Variants in BMPR2 observed in about 807,000 individuals in gnomAD.
BMPR2 encodes the protein bone morphogenetic protein receptor type-2.
Under a neutral mutation model 100.8 loss-of-function variants are expected in BMPR2, and 29 were observed. The observed-to-expected ratio is 0.29, with a 90% CI of 0.21 to 0.39. The LOEUF is 0.39. Among genes scored for constraint, BMPR2 ranks in the 10% least tolerant of loss-of-function variants. The probability of loss-of-function intolerance (pLI) is 1.00; values close to 1 mark genes in which losing one functional copy is unlikely to be tolerated. For synonymous variants in BMPR2, 382 were observed against 442.3 expected, an observed-to-expected ratio of 0.86 and a Z score of 1.71; for missense variants, 1,011 against 1,274.5, an observed-to-expected ratio of 0.79 and a Z score of 3.15.
In BMPR2 at chr2:202,376,549, GCAGCA is replaced by G. The variant is rs1330959055; in HGVS notation, c.-925_-921del. On this transcript the variant is annotated 5_prime_UTR_variant, in exon 1 of 13. Transcript: ENST00000374580. Reference sequence around the variant, plus strand: ...GGCGGCGGCGGCGGCGGCGGCGGCAGCAGCAGCGGCTTCCTCGGGGGGTTGTGATT... The same window carrying G: ...GGCGGCGGCGGCGGCGGCGGCGGCAGGCGGCTTCCTCGGGGGGTTGTGATT... 4.3e-5 allele frequency among the ~76,000 whole-genome samples: 6 copies of G among 141,114 alleles called. No homozygotes were observed. Among genetic ancestry groups the G allele is most frequent in the Middle Eastern group, 3.2e-3 (1 of 310 alleles). 92.6% of individuals were successfully genotyped at this position (141,114 alleles called of 152,430 possible). A position where few individuals can be genotyped will look rare whatever the true frequency, so the allele number is the denominator to read the frequency against.
At chr2:202,392,364 C>A (rs1690567454) in intron 1 of BMPR2, among the ~76,000 whole-genome samples, 1 of 152,112 alleles carries the variant, frequency 6.6e-6, no homozygotes, top group African/African-American at 2.4e-5. Context: ...AGCCACTGTG[C>A]CTGACCCAGT....
At chr2:202,394,787 T>C (rs1275260524) in intron 1 of BMPR2, among the ~76,000 whole-genome samples, 1 of 152,180 alleles carries the variant, frequency 6.6e-6, no homozygotes, top group Admixed American at 6.5e-5. Context: ...ATAAAGATAT[T>C]GAGGCACAGA....
In BMPR2 at chr2:202,532,728, C is replaced by G; in HGVS notation, c.1272C>G (p.Phe424Leu). The change falls in exon 9 of 13, where the codon TTC (phenylalanine) becomes TTG (leucine). Residue 424 changes from phenylalanine to leucine, a missense_variant. Phe to Leu is a conservative substitution (Grantham distance 22). Transcript: ENST00000374580. The surrounding 1 kb of genome is among the most constrained non-coding windows in gnomAD (Gnocchi z 4.1). ...WEIFMRCTDL[F>L]PGESVPEYQM... ...TATTTATGAGATGTACAGACCTCTT[C>G]CCAGGTAAAAACTACTGTCAAAAGT... is the stretch of plus-strand genomic sequence containing the variant. 6.2e-7 allele frequency: 1 copy of G among 1,612,174 alleles called. No homozygotes were observed. The highest frequency in any genetic ancestry group is 8.5e-7 in the Non-Finnish European group (1 of 1,179,860).
At chr2:202,527,644 G>A (rs972069005) in intron 7 of BMPR2, among the ~76,000 whole-genome samples, 3 of 151,042 alleles carry the variant, frequency 2.0e-5, no homozygotes, top group South Asian at 2.1e-4. Context: ...AAAATTAGCC[G>A]GGCGCGGTGG....
intron 8 of BMPR2, among the ~76,000 whole-genome samples, chr2:202,531,217 C>T (rs546519446): frequency 3.7e-4 from 57 of 152,284 alleles, no homozygotes; most frequent in African/African-American, 1.2e-3. Flanking sequence ...GCAAGAGAAT[C>T]GCTTGAACCC....
chr2:202,461,879 C>A (rs1046756718), intron 1 of BMPR2, among the ~76,000 whole-genome samples: 1 of 151,826 alleles, frequency 6.6e-6, no homozygotes, highest in African/African-American at 2.4e-5. Flanking sequence ...GGTAAGAAAT[C>A]GTAATATACT....
At chr2:202,493,300 C>CT (rs933066995) in intron 3 of BMPR2, among the ~76,000 whole-genome samples, 2 of 151,202 alleles carry the variant, frequency 1.3e-5, no homozygotes, top group African/African-American at 4.9e-5. Context: ...TCATTAAATA[C>CT]TTTTTTTTTA....
intron 10 of BMPR2, 129 bp from the exon 11 acceptor site, chr2:202,552,587 T>TG: frequency 1.1e-6 from 1 of 913,754 alleles, no homozygotes; most frequent in Non-Finnish European, 1.7e-6. Context: ...GCCTAAAATA[T>TG]GTTATTAGAG....
chr2:202,410,262 GGT>G (rs1388581642), intron 1 of BMPR2, among the ~76,000 whole-genome samples: 1 of 152,132 alleles, frequency 6.6e-6, no homozygotes, highest in African/African-American at 2.4e-5. Flanking sequence ...TGGGATTACA[GGT>G]GTGAGTCACC....
chr2:202,531,235 G>A (rs1189978543), intron 8 of BMPR2, among the ~76,000 whole-genome samples: 1 of 152,188 alleles, frequency 6.6e-6, no homozygotes, highest in East Asian at 1.9e-4. Context: ...CCCAGGAGGA[G>A]GAAGTTGCAG....
At position 202,555,907 on chromosome 2, in the gene BMPR2, C is replaced by G. The variant is rs551565482; in HGVS notation, c.2242C>G (p.Gln748Glu). The change falls in exon 12 of 13, where the codon CAG becomes GAG. Residue 748 changes from glutamine to glutamate, a missense_variant. Transcript: ENST00000374580. ...TACTCAGATCTATCCTCTCCCCAAGCAGCAGAACCTTCCCAAGAGACCTAC... is the reference window on the plus strand; with the variant it reads ...TACTCAGATCTATCCTCTCCCCAAGGAGCAGAACCTTCCCAAGAGACCTAC... ...LPTQIYPLPK[Q>E]QNLPKRPTSL... 6.2e-7 allele frequency: 1 copy of G among 1,614,200 alleles called. No individual in the cohort carries two copies. Among genetic ancestry groups the G allele is most frequent in the African/African-American group, 1.3e-5 (1 of 75,038 alleles).
intron 5 of BMPR2, among the ~76,000 whole-genome samples, chr2:202,517,818 T>C (rs1265204894): frequency 6.8e-6 from 1 of 147,308 alleles, no homozygotes; most frequent in African/African-American, 2.5e-5. Flanking sequence ...TCTTTTTTCT[T>C]TTTTTTTTTT....
intron 1 of BMPR2, among the ~76,000 whole-genome samples, chr2:202,425,056 TCAAGCAGTTG>T (rs1199300878): frequency 6.6e-6 from 1 of 151,898 alleles, no homozygotes; most frequent in African/African-American, 2.4e-5. Context: ...CCTCCTGGGT[TCAAGCAGTTG>T]TCCTGTCTCA....
chr2:202,554,646 A>G (rs1395077294), intron 11 of BMPR2, among the ~76,000 whole-genome samples: 1 of 152,120 alleles, frequency 6.6e-6, no homozygotes, highest in African/African-American at 2.4e-5. Flanking sequence ...TTGATCCTTT[A>G]TTTGAACATC....
intron 8 of BMPR2, among the ~76,000 whole-genome samples, chr2:202,531,737 T>C (rs1688032588): frequency 6.6e-6 from 1 of 152,130 alleles, no homozygotes; most frequent in South Asian, 2.1e-4. Context: ...GTTGAAGCAA[T>C]TCTCCTGCCT....
At chr2:202,514,839 T>C (rs373649395) in intron 4 of BMPR2, 49 bp from the exon 5 acceptor site, 20 of 1,423,000 alleles carry the variant, frequency 1.4e-5, no homozygotes, top group East Asian at 2.3e-5. Flanking sequence ...TAAAAAGATA[T>C]TCATTTTAAG....
In BMPR2 at chr2:202,556,055, C is replaced by T. The variant is rs755268044; in HGVS notation, c.2390C>T (p.Ala797Val). The T allele has an allele frequency of 5.0e-6, 8 of 1,614,062 alleles. No homozygotes were observed. The African/African-American group carries it at 1.1e-4, about 22-fold the overall frequency. ...GCCAAGATGAATACAATCAATGCAG[C>T]AGAACCTCATGTGGTGACAGTCACC... ...GVAKMNTINA[A>V]EPHVVTVTMN... The change falls in exon 12 of 13, where the codon GCA becomes GTA. Residue 797 changes from alanine to valine, a missense_variant. By Grantham distance (64) the Ala-to-Val change is moderately conservative. Transcript: ENST00000374580.
intron 12 of BMPR2, among the ~76,000 whole-genome samples, chr2:202,559,253 G>T (rs1233784282): frequency 6.6e-6 from 1 of 150,588 alleles, no homozygotes; most frequent in Non-Finnish European, 1.5e-5. Flanking sequence ...AGTGAGTCAA[G>T]ATCATGCCAC....
intron 1 of BMPR2, among the ~76,000 whole-genome samples, chr2:202,390,260 G>A (rs1203604759): frequency 6.6e-6 from 1 of 151,680 alleles, no homozygotes. Flanking sequence ...GAAATGAACT[G>A]CTAGAATTTC....
Sources: gnomAD v4.1 joint callset for allele counts (sites outside exome capture counted in the v4.1 genomes callset) on GRCh38, gnomAD v4.1.1 for gene constraint, Gnocchi (gnomAD v3.1) non-coding constraint, MANE v1.5 for transcripts, NCBI Gene and HGNC (gene_info 2026-07-23, HGNC 2026-07-21) for gene names.